Variants in ADAMTS17 observed in about 807,000 individuals in gnomAD.
The protein encoded by ADAMTS17 is A disintegrin and metalloproteinase with thrombospondin motifs 17.
ADAMTS17 carries 113 observed loss-of-function variants against 141.5 expected under a neutral mutation model. That is an observed-to-expected ratio of 0.80 (90% confidence interval 0.69 to 0.93). The LOEUF is 0.93. Ranked by LOEUF, ADAMTS17 falls within the 40% of genes least tolerant of loss-of-function variation. The pLI is 0.00. For synonymous variants in ADAMTS17, 768 were observed against 630.6 expected, an observed-to-expected ratio of 1.22 and a Z score of -3.27; for missense variants, 1,659 against 1,517.9, an observed-to-expected ratio of 1.09 and a Z score of -1.54.
chr15:100,293,041 G>A (rs2044697037), intron 3 of ADAMTS17, among the ~76,000 whole-genome samples: 1 of 152,146 alleles, frequency 6.6e-6, no homozygotes, highest in Non-Finnish European at 1.5e-5. Flanking sequence ...TATCTTATAG[G>A]AACCTTCGAA....
At chr15:100,192,168 AGAG>A (rs2040943464) in intron 8 of ADAMTS17, among the ~76,000 whole-genome samples, 2 of 152,248 alleles carry the variant, frequency 1.3e-5, no homozygotes, top group Admixed American at 6.5e-5. Flanking sequence ...GGCCAAGTGC[AGAG>A]GAAACGTATT....
At chr15:100,084,218 C>A (rs986053899) in intron 15 of ADAMTS17, among the ~76,000 whole-genome samples, 1 of 152,196 alleles carries the variant, frequency 6.6e-6, no homozygotes, top group Non-Finnish European at 1.5e-5. Context: ...CTGGGAGGGT[C>A]CCATGCCCAC....
Position 100,088,171 on chromosome 15 carries a change from C to A in ADAMTS17, c.2137+8185G>T, listed in dbSNP as rs369409520. Among the ~76,000 whole-genome samples the A allele has an allele frequency of 2.0e-3, 310 of 152,314 alleles. 1 individual carries two copies. Among genetic ancestry groups the A allele is most frequent in the East Asian group, 0.012 (62 of 5,184 alleles). The stretch of plus-strand genomic sequence containing the variant: ...GGATACAAAATCAATGTACAAAAAT[C>A]ACAAGCATTCTTATACACCAATAAC... On this transcript the variant is annotated intron_variant, in intron 15 of 21. Transcript: ENST00000268070.
intron 18 of ADAMTS17, among the ~76,000 whole-genome samples, chr15:100,003,961 T>C (rs1366903787): frequency 6.6e-6 from 1 of 152,188 alleles, no homozygotes; most frequent in Non-Finnish European, 1.5e-5. Flanking sequence ...CTGCACAAGG[T>C]GAATGTACTT....
At chr15:100,084,400 G>A (rs1055209339) in intron 15 of ADAMTS17, among the ~76,000 whole-genome samples, 2 of 152,356 alleles carry the variant, frequency 1.3e-5, no homozygotes, top group Non-Finnish European at 2.9e-5. Flanking sequence ...TGCCTCTGTA[G>A]ACTCCACCTC....
intron 7 of ADAMTS17, among the ~76,000 whole-genome samples, chr15:100,208,489 T>C (rs1025486747): frequency 4.6e-5 from 7 of 152,248 alleles, no homozygotes; most frequent in African/African-American, 1.4e-4. Flanking sequence ...ACAAGGATGT[T>C]TGCCTTATAA....
chr15:99,975,981 G>A (rs1462148883), intron 21 of ADAMTS17, 64 bp downstream of exon 21: 1 of 1,492,688 alleles, frequency 6.7e-7, no homozygotes, highest in African/African-American at 1.4e-5. Context: ...TCACCGTCAG[G>A]GAGGACTTAC....
chr15:100,038,960 G>A (rs2727139), intron 18 of ADAMTS17, among the ~76,000 whole-genome samples: 7,004 of 152,256 alleles, frequency 0.046, 329 homozygotes, highest in African/African-American at 0.12. Flanking sequence ...CTTGGCAGAT[G>A]CTCTTTATTC....
chr15:100,317,458 C>G (rs947479390), intron 3 of ADAMTS17, among the ~76,000 whole-genome samples: 1 of 152,094 alleles, frequency 6.6e-6, no homozygotes, highest in Non-Finnish European at 1.5e-5. Context: ...CTCAAAGGAG[C>G]AGAGGGTCTG....
chr15:100,050,555 C>A (rs556426763), intron 17 of ADAMTS17, among the ~76,000 whole-genome samples: 1 of 152,158 alleles, frequency 6.6e-6, no homozygotes, highest in South Asian at 2.1e-4. Context: ...GGCCAAGATG[C>A]CCAGGAAGAA....
At chr15:100,113,134 A>AT (rs2036897910) in intron 13 of ADAMTS17, among the ~76,000 whole-genome samples, 1 of 151,928 alleles carries the variant, frequency 6.6e-6, no homozygotes, top group Non-Finnish European at 1.5e-5. Context: ...GCCTCTGCGG[A>AT]TTTTACCAGC....
At chr15:100,151,314 C>T (rs1337934601) in intron 10 of ADAMTS17, among the ~76,000 whole-genome samples, 1 of 152,222 alleles carries the variant, frequency 6.6e-6, no homozygotes, top group Non-Finnish European at 1.5e-5. Flanking sequence ...TAAGGAGCTG[C>T]CCTTTTTAGC....
chr15:100,311,036 T>C (rs1184773445), intron 3 of ADAMTS17, among the ~76,000 whole-genome samples: 6 of 152,248 alleles, frequency 3.9e-5, no homozygotes, highest in East Asian at 3.9e-4. Flanking sequence ...GAGAAATTCA[T>C]GTACTGAGAA....
At chr15:100,282,606 T>G (rs1017734811) in intron 3 of ADAMTS17, among the ~76,000 whole-genome samples, 28 of 152,360 alleles carry the variant, frequency 1.8e-4, no homozygotes, top group African/African-American at 6.5e-4. Flanking sequence ...TCACCTATTT[T>G]TGATGCCTGG....
At position 99,993,343 on chromosome 15, in the gene ADAMTS17, T is replaced by C. The variant is rs2060729571; in HGVS notation, c.2797-143A>G. On this transcript the variant is annotated intron_variant, in intron 19 of 21. Transcript: ENST00000268070. This position sits in a 1 kb window ranked among gnomAD's most constrained non-coding sequence, Gnocchi z 4.3. Reference sequence around the variant, plus strand: ...CACACTTCTGTCCTCAAAAAGCTCCTGGTCTGCAGGGTCTTACGCACGTGG... The same window carrying C: ...CACACTTCTGTCCTCAAAAAGCTCCCGGTCTGCAGGGTCTTACGCACGTGG... The C allele has an allele frequency of 4.7e-6, 6 of 1,281,966 alleles. No individual in the cohort carries two copies. In the Admixed American group the frequency reaches 9.2e-5, roughly 20 times the overall value. 79.4% of individuals were successfully genotyped at this position (1,281,966 alleles called of 1,614,324 possible).
At chr15:100,312,664 G>A (rs1472276609) in intron 3 of ADAMTS17, among the ~76,000 whole-genome samples, 1 of 152,196 alleles carries the variant, frequency 6.6e-6, no homozygotes, top group Non-Finnish European at 1.5e-5. Flanking sequence ...AAGCACTTCA[G>A]GATTACAGAA....
chr15:100,027,212 G>A (rs927672604), intron 18 of ADAMTS17, among the ~76,000 whole-genome samples: 10 of 152,046 alleles, frequency 6.6e-5, no homozygotes, highest in East Asian at 3.8e-4. Flanking sequence ...TCTAAACAAC[G>A]ACAAATGTTA....
chr15:100,329,388 A>G (rs1424280439), intron 3 of ADAMTS17, among the ~76,000 whole-genome samples: 2 of 152,052 alleles, frequency 1.3e-5, no homozygotes. Context: ...AACAAAAATT[A>G]GCCAGGTGTG....
At chr15:100,064,019 C>T (rs147416508) in intron 15 of ADAMTS17, among the ~76,000 whole-genome samples, 54 of 152,278 alleles carry the variant, frequency 3.5e-4, no homozygotes, top group African/African-American at 1.2e-3. Context: ...CTGGGCCCCC[C>T]CTTCAACCAG....
Sources: allele counts gnomAD v4.1 joint callset (sites outside exome capture counted in the v4.1 genomes callset), GRCh38; gene constraint gnomAD v4.1.1; non-coding constraint Gnocchi (gnomAD v3.1); transcripts MANE v1.5; gene names NCBI Gene and HGNC (gene_info 2026-07-23, HGNC 2026-07-21).